NTN1: variants seen among roughly 807,000 people sequenced by gnomAD.
NTN1 encodes the protein netrin-1.
Under a neutral mutation model 54.2 loss-of-function variants are expected in NTN1, and 11 were observed. That is an observed-to-expected ratio of 0.20 (90% CI 0.13 to 0.34). The LOEUF (loss-of-function observed/expected upper bound fraction) is 0.34, where lower values mean the gene tolerates loss of function less well. Ranked by LOEUF, NTN1 falls within the 10% of genes least tolerant of loss-of-function variation. NTN1 has a pLI of 1.00. For synonymous variants in NTN1, 371 were observed against 382.0 expected, an observed-to-expected ratio of 0.97 and a Z score of 0.33; for missense variants, 740 against 893.1, an observed-to-expected ratio of 0.83 and a Z score of 2.18.
chr17:9,104,995 G>A (rs1407356494), intron 2 of NTN1, among the ~76,000 whole-genome samples: 2 of 152,108 alleles, frequency 1.3e-5, no homozygotes, highest in African/African-American at 2.4e-5. Flanking sequence ...CAGGGGTGGG[G>A]TGACCCATGG....
chr17:9,212,745 C>T lies in NTN1; in HGVS notation c.1412-8423C>T, dbSNP rs1420169105. Among the ~76,000 whole-genome samples, 1 of 152,226 alleles carries T rather than the reference C, an allele frequency of 6.6e-6. No homozygotes were observed. The highest frequency in any genetic ancestry group is 1.9e-4 in the East Asian group (1 of 5,182). On this transcript the variant is annotated intron_variant, in intron 5 of 6. Coordinates refer to ENST00000173229, the MANE Select transcript of NTN1 (RefSeq NM_004822.3). The surrounding 1 kb of genome is among the most constrained non-coding windows in gnomAD (Gnocchi z 5.5). ...GGGTGTCCCTCACTCATTACACCCC[C>T]TGCCCCACCTTCCCAAGCCCGACAG...
chr17:9,110,931 C>CTTTTTTTT (rs34319949), intron 2 of NTN1, among the ~76,000 whole-genome samples: 2 of 104,362 alleles, frequency 1.9e-5, no homozygotes, highest in African/African-American at 4.1e-5. Flanking sequence ...AATTCAGGAT[C>CTTTTTTTT]TTTTTTTTTT....
the NTN1 span, among the ~76,000 whole-genome samples, chr17:9,003,418 G>C: frequency 7.3e-5 from 11 of 151,568 alleles, no homozygotes; most frequent in Admixed American, 2.0e-4. This position sits in a 1 kb window ranked among gnomAD's most constrained non-coding sequence, Gnocchi z 7.4. Context: ...CCAGCCCCGC[G>C]TCCTGCGCAC....
At chr17:9,028,595 G>A (rs2091878987) in intron 2 of NTN1, among the ~76,000 whole-genome samples, 1 of 152,252 alleles carries the variant, frequency 6.6e-6, no homozygotes, top group Non-Finnish European at 1.5e-5. Flanking sequence ...TATGTCCAGA[G>A]TAAATATTGG....
intron 2 of NTN1, among the ~76,000 whole-genome samples, chr17:9,069,426 C>T (rs1567702586): frequency 6.6e-6 from 1 of 152,174 alleles, no homozygotes; most frequent in Non-Finnish European, 1.5e-5. Context: ...AACATTTTCT[C>T]ATTTCGTATT....
intron 5 of NTN1, among the ~76,000 whole-genome samples, chr17:9,193,935 A>AAAAAC (rs1904546616): frequency 1.6e-5 from 2 of 123,530 alleles, no homozygotes; most frequent in Non-Finnish European, 1.7e-5. Context: ...AAAAAAAAAA[A>AAAAAC]AAAAAAAAAC....
At chr17:9,105,996 A>G (rs9907260) in intron 2 of NTN1, among the ~76,000 whole-genome samples, 109,225 of 152,056 alleles carry the variant, frequency 0.72, 39,728 homozygotes, top group East Asian at 0.95. Context: ...CTCCCAAAGC[A>G]TGGCCCCCCA....
intron 2 of NTN1, among the ~76,000 whole-genome samples, chr17:9,086,413 G>A (rs960853242): frequency 6.6e-6 from 1 of 152,148 alleles, no homozygotes; most frequent in Non-Finnish European, 1.5e-5. Context: ...TCTCATGCTA[G>A]TTTGAATGCT....
chr17:9,067,837 G>A (rs1010883782), intron 2 of NTN1, among the ~76,000 whole-genome samples: 4 of 152,124 alleles, frequency 2.6e-5, no homozygotes, highest in Admixed American at 6.5e-5. Flanking sequence ...TCCATCCCTC[G>A]GCAGCCAGGA....
chr17:9,112,816 T>G (rs1597491848), intron 2 of NTN1, among the ~76,000 whole-genome samples: 1 of 81,754 alleles, frequency 1.2e-5, no homozygotes, highest in African/African-American at 5.0e-5. Flanking sequence ...ACAGCGAGAC[T>G]CCGTCTCAAA....
At chr17:9,125,467 A>G (rs1436127807) in intron 2 of NTN1, among the ~76,000 whole-genome samples, 1 of 152,022 alleles carries the variant, frequency 6.6e-6, no homozygotes, top group Non-Finnish European at 1.5e-5. Flanking sequence ...ACCTCAGATG[A>G]TCCGTCTTCC....
intron 2 of NTN1, among the ~76,000 whole-genome samples, chr17:9,132,410 C>T (rs1291269873): frequency 6.6e-6 from 1 of 152,216 alleles, no homozygotes; most frequent in Non-Finnish European, 1.5e-5. Flanking sequence ...ACACCTTGTA[C>T]ATCCGTCTTC....
chr17:9,093,303 T>G (rs945680115), intron 2 of NTN1, among the ~76,000 whole-genome samples: 2 of 152,272 alleles, frequency 1.3e-5, no homozygotes, highest in Non-Finnish European at 2.9e-5. Context: ...ACCCAAGCTT[T>G]GTTGAGTAAG....
At chr17:9,092,210 A>G (rs12942944) in intron 2 of NTN1, among the ~76,000 whole-genome samples, 11,840 of 151,502 alleles carry the variant, frequency 0.078, 615 homozygotes, top group Non-Finnish European at 0.11. Flanking sequence ...TTCATTTAGT[A>G]TCATGTCACC....
rs962262784 is a variant in NTN1, at chr17:9,219,826, C to T, written c.1412-1342C>T. On this transcript the variant is annotated intron_variant, in intron 5 of 6. Transcript: ENST00000173229. The surrounding 1 kb of genome is among the most constrained non-coding windows in gnomAD (Gnocchi z 4.5). Reference sequence around the variant, plus strand: ...GCCACCTGCCCCTGGAGCAGCCGCCCGTGTGTGTGCACGTGTGTGTGCACG... The same window carrying T: ...GCCACCTGCCCCTGGAGCAGCCGCCTGTGTGTGTGCACGTGTGTGTGCACG... Among the ~76,000 whole-genome samples, 7 of 151,858 alleles carry T rather than the reference C, an allele frequency of 4.6e-5. No homozygotes were observed. Among genetic ancestry groups the T allele is most frequent in the East Asian group, 1.9e-4 (1 of 5,166 alleles).
chr17:9,143,588 A>G (rs2092304548), intron 2 of NTN1, among the ~76,000 whole-genome samples: 1 of 151,660 alleles, frequency 6.6e-6, no homozygotes, highest in African/African-American at 2.4e-5. Context: ...TAGGGATGGG[A>G]CTCTCCTGGT....
At chr17:9,225,036 G>C (rs973623106) in intron 6 of NTN1, among the ~76,000 whole-genome samples, 1 of 152,142 alleles carries the variant, frequency 6.6e-6, no homozygotes, top group Admixed American at 6.5e-5. Flanking sequence ...GCAGAGGTGG[G>C]CGGATCACGA....
chr17:9,148,567 C>G (rs186710188), intron 2 of NTN1, among the ~76,000 whole-genome samples: 1 of 152,098 alleles, frequency 6.6e-6, no homozygotes, highest in African/African-American at 2.4e-5. Context: ...ATGATTTGTG[C>G]CATTCAAATT....
At chr17:9,167,107 T>G (rs536830404) in intron 3 of NTN1, among the ~76,000 whole-genome samples, 2 of 152,162 alleles carry the variant, frequency 1.3e-5, no homozygotes, top group South Asian at 2.1e-4. Flanking sequence ...GCGGCTGCAC[T>G]CTCCAGCTAT....
Sources: allele counts gnomAD v4.1 joint callset (sites outside exome capture counted in the v4.1 genomes callset), GRCh38; gene constraint gnomAD v4.1.1; non-coding constraint Gnocchi (gnomAD v3.1); transcripts MANE v1.5; gene names NCBI Gene and HGNC (gene_info 2026-07-23, HGNC 2026-07-21).